PKD1L1: variants seen among roughly 807,000 people sequenced by gnomAD.
PKD1L1 encodes the protein polycystin 1 like 1, transient receptor potential channel interacting.
In PKD1L1, 236 loss-of-function variants were observed where a neutral mutation model predicts 323.4. That is an observed-to-expected ratio of 0.73 (90% confidence interval 0.66 to 0.81). PKD1L1 has a LOEUF of 0.81. Among genes scored for constraint, PKD1L1 ranks in the 40% least tolerant of loss-of-function variants. The pLI is 0.00. For missense variants in PKD1L1, 3,320 were observed against 3,508.0 expected, an observed-to-expected ratio of 0.95 and a Z score of 1.35; for synonymous variants, 1,344 against 1,335.0, an observed-to-expected ratio of 1.01 and a Z score of -0.15.
In PKD1L1 at chr7:47,880,281, TA is replaced by T. The variant is rs1452774094; in HGVS notation, c.3520+446del. Among the ~76,000 whole-genome samples, 107 of 78,806 alleles carry T rather than the reference TA, an allele frequency of 1.4e-3. 3 individuals carry two copies. The highest frequency in any genetic ancestry group is 4.1e-3 in the East Asian group (12 of 2,928). The allele number at this position is 78,806 out of a possible 152,430, so 51.7% of individuals were successfully genotyped here. On this transcript the variant is annotated intron_variant, in intron 21 of 56. Coordinates refer to ENST00000289672, the MANE Select transcript of PKD1L1 (RefSeq NM_138295.5). ...ATATATATACATATATATATATATATATATTTTTTTTTTTTTTTTTGAGACA... is the reference window on the plus strand; with the variant it reads ...ATATATATACATATATATATATATATTATTTTTTTTTTTTTTTTTGAGACA...
At chr7:47,838,501 G>A (rs1048278087) in intron 36 of PKD1L1, among the ~76,000 whole-genome samples, 1 of 152,014 alleles carries the variant, frequency 6.6e-6, no homozygotes, top group Non-Finnish European at 1.5e-5. Flanking sequence ...TCAGCAAATG[G>A]TCATGCACAG....
At chr7:47,854,762 A>G (rs1785859112) in intron 30 of PKD1L1, 120 bp downstream of exon 30, 9 of 1,261,046 alleles carry the variant, frequency 7.1e-6, no homozygotes, top group Non-Finnish European at 8.9e-6. Flanking sequence ...ATTTCTTTAA[A>G]CAATGAGCCT....
Position 47,781,409 on chromosome 7 carries a change from G to GTT in PKD1L1, c.8527-6245_8527-6244dup, listed in dbSNP as rs60759497. Among the ~76,000 whole-genome samples, 165 of 71,744 alleles carry GTT rather than the reference G, an allele frequency of 2.3e-3. 3 individuals carry two copies. The highest frequency in any genetic ancestry group is 0.012 in the East Asian group (19 of 1,628). 47.1% of individuals were successfully genotyped at this position (71,744 alleles called of 152,430 possible). ...AAGGTTTTTTTTTTTGTTTTGTTTT[G>GTT]TTTTTTTTTTTTTTTTTGAGACAGA... On this transcript the variant is annotated intron_variant, in intron 56 of 56. Transcript: ENST00000289672.
At chr7:47,820,189 A>G (rs1051521278) in intron 46 of PKD1L1, among the ~76,000 whole-genome samples, 19 of 152,246 alleles carry the variant, frequency 1.2e-4, no homozygotes, top group African/African-American at 4.6e-4. Flanking sequence ...AGAAGACTAC[A>G]TTAAATGCAC....
chr7:47,915,951 G>A (rs1457822506), intron 7 of PKD1L1, among the ~76,000 whole-genome samples: 1 of 152,056 alleles, frequency 6.6e-6, no homozygotes, highest in East Asian at 1.9e-4. Context: ...ATAGAAGAAG[G>A]TATCACTGAG....
In PKD1L1 at chr7:47,857,741, C is replaced by T. The variant is rs1485680389; in HGVS notation, c.4454G>A (p.Gly1485Glu). ...YNLQSSVQSL[G>E]SVQVHLPGDL... ...ACCAGGTAAATGCACCTGGACAGAT[C>T]CCAGGCTCTGGACAGAGCTCTGAAG... Residue 1485 changes from glycine to glutamate, a missense_variant, in exon 28 of 57, where the codon GGA (glycine) becomes GAA (glutamate). Coordinates refer to ENST00000289672, the MANE Select transcript of PKD1L1 (RefSeq NM_138295.5). 1.2e-6 allele frequency: 2 copies of T among 1,614,108 alleles called. No homozygotes were observed. The highest frequency in any genetic ancestry group is 1.7e-5 in the Admixed American group (1 of 60,018).
chr7:47,855,316 A>C, intron 28 of PKD1L1, 51 bp from the exon 29 acceptor site: 1 of 1,411,222 alleles, frequency 7.1e-7, no homozygotes, highest in Non-Finnish European at 9.9e-7. Flanking sequence ...CAATGGACTT[A>C]AGTGAGAAAA....
chr7:47,781,373 T>C (rs996523047), intron 56 of PKD1L1, among the ~76,000 whole-genome samples: 3 of 151,832 alleles, frequency 2.0e-5, no homozygotes, highest in African/African-American at 7.2e-5. Flanking sequence ...ATAAAGTCAT[T>C]TGCAGAACAA....
In PKD1L1 at chr7:47,819,895, A is replaced by T. The variant is rs1489752424; in HGVS notation, c.6965+1181T>A. ...CTGCCAAAAAATCCAACCAAAAAGT[A>T]TTTACGTCAAATTGAATTACTTAGT... On this transcript the variant is annotated intron_variant, in intron 46 of 56. Transcript: ENST00000289672. 1.2e-5 allele frequency: 3 copies of T among 249,690 alleles called. No individual in the cohort carries two copies. In the East Asian group the frequency reaches 5.0e-4, roughly 41 times the overall value. The allele number at this position is 249,690 out of a possible 1,614,324, so 15.5% of individuals were successfully genotyped here. A position where few individuals can be genotyped will look rare whatever the true frequency, so the allele number is the denominator to read the frequency against.
In PKD1L1 at chr7:47,831,297, A is replaced by G; in HGVS notation, c.6393T>C (p.Pro2131=). 6.2e-7 allele frequency: 1 copy of G among 1,614,152 alleles called. No homozygotes were observed. The highest frequency in any genetic ancestry group is 8.5e-7 in the Non-Finnish European group (1 of 1,180,018). ...TGGCCCACACTGCAGAGCTCCACCAAGGCTGAAGGGCCCTTGACCACTGGG... is the reference window on the plus strand; with the variant it reads ...TGGCCCACACTGCAGAGCTCCACCAGGGCTGAAGGGCCCTTGACCACTGGG... ...LMPQWSRALQ[P]WWSSAVWAIC... The change falls in exon 42 of 57, where the codon CCT becomes CCC. Residue 2131 remains proline, a synonymous_variant. Coordinates refer to ENST00000289672, the MANE Select transcript of PKD1L1 (RefSeq NM_138295.5).
chr7:47,888,625 C>T (rs376392482), intron 16 of PKD1L1, among the ~76,000 whole-genome samples: 6 of 152,266 alleles, frequency 3.9e-5, no homozygotes, highest in African/African-American at 1.4e-4. Context: ...GTGATTCCCA[C>T]ACAGCCTCAG....
intron 8 of PKD1L1, among the ~76,000 whole-genome samples, chr7:47,914,602 C>T (rs1334016611): frequency 6.6e-6 from 1 of 152,220 alleles, no homozygotes; most frequent in African/African-American, 2.4e-5. Flanking sequence ...TTTTCCTACT[C>T]AGGACAGAGG....
chr7:47,830,730 G>A (rs1323159644), intron 42 of PKD1L1, among the ~76,000 whole-genome samples: 1 of 152,198 alleles, frequency 6.6e-6, no homozygotes, highest in African/African-American at 2.4e-5. Context: ...GAGTGACCCT[G>A]GGGTCTCCGA....
intron 21 of PKD1L1, among the ~76,000 whole-genome samples, chr7:47,880,284 A>ATATATTTTT (rs1225214936): frequency 1.8e-5 from 1 of 56,818 alleles, no homozygotes; most frequent in African/African-American, 1.1e-4. Context: ...ATATATATAT[A>ATATATTTTT]TTTTTTTTTT....
rs556657793 is a variant in PKD1L1 at position 47,812,567 on chromosome 7, C to T, written c.7347-516G>A. ...ACCTCCCCGTTGCTCTAAGACCATC[C>T]GTGTTACCACTGGGTCAGCACAGCT... On this transcript the variant is annotated intron_variant, in intron 49 of 56. Coordinates refer to ENST00000289672, the MANE Select transcript of PKD1L1 (RefSeq NM_138295.5). Among the ~76,000 whole-genome samples, 8 of 152,264 alleles carry T rather than the reference C, an allele frequency of 5.3e-5. No homozygotes were observed. The South Asian group carries it at 6.2e-4, about 12-fold the overall frequency.
At position 47,840,505 on chromosome 7, in the gene PKD1L1, C is replaced by G; in HGVS notation, c.5508G>C (p.Glu1836Asp). Residue 1836 changes from glutamate (E) to aspartate (D), a missense_variant, in exon 35 of 57, where the codon GAG (glutamate) becomes GAC (aspartate). Transcript: ENST00000289672. This position sits in a 1 kb window ranked among gnomAD's most constrained non-coding sequence, Gnocchi z 4.1. ...TGGAATTCCTTTCAAACAGGGGCTT[C>G]TCTGGACAGGAGAGCTCCTTGGTTT... ...LSETKELSCPEKPLFERNSRH... is the reference protein window; with the variant it reads ...LSETKELSCPDKPLFERNSRH... The G allele has an allele frequency of 6.2e-7, 1 of 1,614,182 alleles. No homozygotes were observed. The highest frequency in any genetic ancestry group is 8.5e-7 in the Non-Finnish European group (1 of 1,180,024).
chr7:47,894,181 A>G (rs1033904215), intron 14 of PKD1L1, 122 bp from the exon 15 acceptor site: 1 of 825,650 alleles, frequency 1.2e-6, no homozygotes, highest in Non-Finnish European at 1.8e-6. Flanking sequence ...CCTGGCTCCA[A>G]CTAAAACAGT....
At chr7:47,799,181 T>C (rs752049352) in intron 54 of PKD1L1, among the ~76,000 whole-genome samples, 6 of 152,092 alleles carry the variant, frequency 3.9e-5, no homozygotes, top group East Asian at 1.9e-4. Flanking sequence ...AATGAGTGGA[T>C]TGATGGATGG....
chr7:47,898,324 T>C (rs1411177445), intron 13 of PKD1L1, 130 bp from the exon 14 acceptor site: 1 of 735,174 alleles, frequency 1.4e-6, no homozygotes, highest in African/African-American at 1.8e-5. Context: ...AATGGTATTC[T>C]TAGGTCTGGG....
Sources: gnomAD v4.1 joint callset for allele counts (sites outside exome capture counted in the v4.1 genomes callset) on GRCh38, gnomAD v4.1.1 for gene constraint, Gnocchi (gnomAD v3.1) non-coding constraint, MANE v1.5 for transcripts, NCBI Gene and HGNC (gene_info 2026-07-23, HGNC 2026-07-21) for gene names.